KCNB2: variants seen among roughly 807,000 people sequenced by gnomAD.
The protein encoded by KCNB2 is delayed rectifier potassium channel protein.
Under a neutral mutation model 61.5 loss-of-function variants are expected in KCNB2, and 15 were observed. The ratio of observed to expected loss-of-function variants is 0.24; its 90% CI spans 0.16 to 0.38. The LOEUF (loss-of-function observed/expected upper bound fraction) is 0.38. Among genes scored for constraint, KCNB2 ranks in the 10% least tolerant of loss-of-function variants. The pLI is 1.00. For synonymous variants in KCNB2, 457 were observed against 446.0 expected, an observed-to-expected ratio of 1.02 and a Z score of -0.31; for missense variants, 828 against 1,125.2, an observed-to-expected ratio of 0.74 and a Z score of 3.78.
At chr8:72,797,293 A>G (rs1809047332) in intron 2 of KCNB2, among the ~76,000 whole-genome samples, 3 of 152,222 alleles carry the variant, frequency 2.0e-5, no homozygotes, top group South Asian at 2.1e-4. Context: ...GAAACGTACT[A>G]TATACTAAAA....
In KCNB2 at chr8:72,690,948, A is replaced by T. The variant is rs749540745; in HGVS notation, c.579+122635A>T. On this transcript the variant is annotated intron_variant, in intron 2 of 2. Transcript: ENST00000523207. ...GACAACTGAATGTGTAGAAGTCCTG[A>T]GGGTATGCAGATGCCTGTCGTATTT... 1.5e-4 allele frequency among the ~76,000 whole-genome samples: 23 copies of T among 152,132 alleles called. 1 individual carries two copies. The highest frequency in any genetic ancestry group is 6.5e-5 in the Admixed American group (1 of 15,276).
intron 2 of KCNB2, among the ~76,000 whole-genome samples, chr8:72,862,514 A>G (rs2129004131): frequency 6.6e-6 from 1 of 152,274 alleles, no homozygotes; most frequent in East Asian, 1.9e-4. Flanking sequence ...TATTTATATT[A>G]AAGAGATTTT....
intron 2 of KCNB2, among the ~76,000 whole-genome samples, chr8:72,789,968 G>C (rs1002916697): frequency 8.5e-5 from 13 of 152,092 alleles, no homozygotes; most frequent in Admixed American, 6.5e-5. Flanking sequence ...AATTGAGTGA[G>C]AAGGTGAGAC....
rs1459952613 is a variant in KCNB2 at position 72,568,148 on chromosome 8, G to A, written c.414G>A (p.Gln138=). The change falls in exon 2 of 3, where the codon CAG becomes CAA. Residue 138 remains glutamine (Q), a synonymous_variant. Transcript: ENST00000523207. ...AGATCTACTTGGAGTCCTGCTGCCA[G>A]GCCAGATATCATCAAAAAAAAGAAC... The part of the protein sequence containing the change: ...IDEIYLESCC[Q]ARYHQKKEQM... 1 of 1,614,070 alleles carries A rather than the reference G, an allele frequency of 6.2e-7. No homozygotes were observed. Among genetic ancestry groups the A allele is most frequent in the East Asian group, 2.2e-5 (1 of 44,876 alleles).
intron 2 of KCNB2, among the ~76,000 whole-genome samples, chr8:72,747,739 G>A (rs1808103230): frequency 6.6e-6 from 1 of 152,164 alleles, no homozygotes; most frequent in African/African-American, 2.4e-5. Context: ...TGAAACTACA[G>A]TAAGAAAATA....
chr8:72,799,558 C>G (rs4738280), intron 2 of KCNB2, among the ~76,000 whole-genome samples: 13,106 of 152,072 alleles, frequency 0.086, 922 homozygotes, highest in East Asian at 0.39. Context: ...TCTAGAAGCT[C>G]GAAAACCACA....
chr8:72,662,708 C>CG (rs1158083559), intron 2 of KCNB2, among the ~76,000 whole-genome samples: 1 of 152,134 alleles, frequency 6.6e-6, no homozygotes, highest in Admixed American at 6.5e-5. Context: ...ACTGTGCTCT[C>CG]GGTTCTTCCT....
chr8:72,741,997 C>T (rs1807968334), intron 2 of KCNB2, among the ~76,000 whole-genome samples: 1 of 152,112 alleles, frequency 6.6e-6, no homozygotes, highest in African/African-American at 2.4e-5. Flanking sequence ...TGGGTATCTA[C>T]CCAGAGGAAA....
rs571440624 is a variant in KCNB2, at chr8:72,682,523, A to T, written c.579+114210A>T. Among the ~76,000 whole-genome samples the T allele has an allele frequency of 3.3e-5, 5 of 149,670 alleles. 1 individual carries two copies. Among genetic ancestry groups the T allele is most frequent in the African/African-American group, 1.2e-4 (5 of 40,704 alleles). On this transcript the variant is annotated intron_variant, in intron 2 of 2. Transcript: ENST00000523207. ...TTTGATTGGGGCTCTTTGTTGCTGT[A>T]TTGCCTGACTCTGCCTCAGAGTTTT...
chr8:72,937,950 A>G lies in KCNB2; in HGVS notation c.2595A>G (p.Gln865=). 1 of 1,614,140 alleles carries G rather than the reference A, an allele frequency of 6.2e-7. No homozygotes were observed. Among genetic ancestry groups the G allele is most frequent in the Non-Finnish European group, 8.5e-7 (1 of 1,180,016 alleles). ...AGGACACAGGTCACAACTGTAGGCA[A>G]GACATTTACCATGCTGTGAGTGAAG... The part of the protein sequence containing the change: ...SPQDTGHNCR[Q]DIYHAVSEVK... The change falls in exon 3 of 3, where the codon CAA becomes CAG. Residue 865 remains glutamine (Q), a synonymous_variant. Coordinates refer to ENST00000523207, the MANE Select transcript of KCNB2 (RefSeq NM_004770.3).
intron 2 of KCNB2, among the ~76,000 whole-genome samples, chr8:72,862,933 G>A (rs181270069): frequency 1.4e-3 from 217 of 152,222 alleles, no homozygotes; most frequent in Non-Finnish European, 2.4e-3. Context: ...ACTAAAGTTC[G>A]GAGACATTAA....
chr8:72,579,874 C>G (rs1301544724), intron 2 of KCNB2, among the ~76,000 whole-genome samples: 1 of 152,068 alleles, frequency 6.6e-6, no homozygotes, highest in Non-Finnish European at 1.5e-5. Context: ...TCCTTCCCAG[C>G]CTGGGGGAAA....
At chr8:72,744,315 A>C (rs1238070436) in intron 2 of KCNB2, among the ~76,000 whole-genome samples, 1 of 152,168 alleles carries the variant, frequency 6.6e-6, no homozygotes. Flanking sequence ...TGCATTTCCT[A>C]AAAGCCTCAT....
intron 2 of KCNB2, among the ~76,000 whole-genome samples, chr8:72,924,266 C>A (rs1006066519): frequency 1.3e-5 from 2 of 152,160 alleles, no homozygotes; most frequent in Admixed American, 6.5e-5. Context: ...AACCTCTACA[C>A]AGTGTTGAAA....
chr8:72,576,622 G>T (rs146604016), intron 2 of KCNB2, among the ~76,000 whole-genome samples: 1 of 152,156 alleles, frequency 6.6e-6, no homozygotes, highest in Non-Finnish European at 1.5e-5. Context: ...AAAGATGAAG[G>T]TGACCCCAAG....
At chr8:72,562,535 A>G (rs186864570) in intron 1 of KCNB2, among the ~76,000 whole-genome samples, 5 of 152,312 alleles carry the variant, frequency 3.3e-5, no homozygotes, top group African/African-American at 1.2e-4. Context: ...TTAACTTTCA[A>G]TTGATTGAAT....
intron 2 of KCNB2, among the ~76,000 whole-genome samples, chr8:72,759,800 G>A (rs1163714551): frequency 6.6e-6 from 1 of 152,126 alleles, no homozygotes; most frequent in African/African-American, 2.4e-5. Flanking sequence ...ATCATTCATG[G>A]GAGGATTTAT....
intron 2 of KCNB2, among the ~76,000 whole-genome samples, chr8:72,843,281 T>C (rs572970150): frequency 2.6e-5 from 4 of 152,226 alleles, no homozygotes; most frequent in Non-Finnish European, 4.4e-5. Context: ...TCTAATTTGA[T>C]TGTACTGTGG....
intron 2 of KCNB2, among the ~76,000 whole-genome samples, chr8:72,714,290 A>G (rs1266186229): frequency 6.6e-6 from 1 of 152,156 alleles, no homozygotes; most frequent in Non-Finnish European, 1.5e-5. Flanking sequence ...CCAACATTCA[A>G]ATTCAGGAAA....
Sources: gnomAD v4.1 joint callset for allele counts (sites outside exome capture counted in the v4.1 genomes callset) on GRCh38, gnomAD v4.1.1 for gene constraint, MANE v1.5 for transcripts, NCBI Gene and HGNC (gene_info 2026-07-23, HGNC 2026-07-21) for gene names.